HDAC8: variants seen among roughly 807,000 people sequenced by gnomAD.
The protein encoded by HDAC8 is histone deacetylase 8.
A neutral mutation model predicts 32.2 loss-of-function variants in HDAC8; 1 was observed. The observed-to-expected ratio is 0.03, with a 90% CI of 0.01 to 0.15. The LOEUF (loss-of-function observed/expected upper bound fraction) is 0.15. Ranked by LOEUF, HDAC8 falls within the 10% of genes least tolerant of loss-of-function variation. The pLI is 1.00. For synonymous variants in HDAC8, 108 were observed against 113.9 expected, an observed-to-expected ratio of 0.95 and a Z score of 0.33; for missense variants, 117 against 300.0, an observed-to-expected ratio of 0.39 and a Z score of 4.51.
At chrX:72,340,597 T>G (rs1455612770) in intron 10 of HDAC8, among the ~76,000 whole-genome samples, 1 of 111,649 alleles carries the variant, frequency 9.0e-6, no homozygotes, top group African/African-American at 3.3e-5. Flanking sequence ...CCTATTCACC[T>G]CAAGGCATAT....
intron 7 of HDAC8, among the ~76,000 whole-genome samples, chrX:72,482,874 T>C (rs781895304): frequency 9.0e-6 from 1 of 111,730 alleles, no homozygotes; most frequent in Non-Finnish European, 1.9e-5. Flanking sequence ...CACTGTAAAA[T>C]GGCAATACTA....
At chrX:72,454,220 A>G (rs1446775643) in intron 9 of HDAC8, among the ~76,000 whole-genome samples, 1 of 112,211 alleles carries the variant, frequency 8.9e-6, no homozygotes, top group Non-Finnish European at 1.9e-5. Flanking sequence ...CTATGTACTG[A>G]GCTCAAAGGA....
chrX:72,377,297 A>C (rs1436519338), intron 9 of HDAC8: 1 of 111,997 alleles, frequency 8.9e-6, no homozygotes, highest in Non-Finnish European at 1.9e-5. Context: ...TTAATTCCAA[A>C]GTACTTTGTA....
At chrX:72,483,373 T>C (rs2048569436) in intron 7 of HDAC8, among the ~76,000 whole-genome samples, 1 of 111,021 alleles carries the variant, frequency 9.0e-6, no homozygotes, top group Non-Finnish European at 1.9e-5. Context: ...AATTCTCACT[T>C]TATGAGTTAA....
intron 9 of HDAC8, among the ~76,000 whole-genome samples, chrX:72,395,704 G>A (rs1288106135): frequency 8.9e-6 from 1 of 112,311 alleles, no homozygotes; most frequent in Non-Finnish European, 1.9e-5. Context: ...AGGCAGTCTG[G>A]AGGAGGAAGG....
At chrX:72,398,845 G>GT (rs782355298) in intron 9 of HDAC8, among the ~76,000 whole-genome samples, 1,800 of 97,646 alleles carry the variant, frequency 0.018, 21 homozygotes, top group Non-Finnish European at 0.027. Flanking sequence ...GGTACTTTAT[G>GT]TTTTTTTTTT....
At chrX:72,445,943 A>G (rs1275778071) in intron 9 of HDAC8, among the ~76,000 whole-genome samples, 1 of 112,575 alleles carries the variant, frequency 8.9e-6, no homozygotes, top group Non-Finnish European at 1.9e-5. Context: ...AATGCTCACC[A>G]TCACTGGCCA....
chrX:72,515,753 G>C (rs1041976775), intron 4 of HDAC8, among the ~76,000 whole-genome samples: 1 of 111,752 alleles, frequency 8.9e-6, no homozygotes, highest in Non-Finnish European at 1.9e-5. Flanking sequence ...TCCAGTGAAA[G>C]CTTCTCTGAG....
intron 9 of HDAC8, among the ~76,000 whole-genome samples, chrX:72,445,264 G>A (rs1339580840): frequency 7.3e-5 from 8 of 109,534 alleles, no homozygotes; most frequent in South Asian, 8.1e-4. Context: ...GAGGCATCAC[G>A]CTACCTGACT....
chrX:72,437,871 C>T (rs73218357), intron 9 of HDAC8, among the ~76,000 whole-genome samples: 3,733 of 112,152 alleles, frequency 0.033, 73 homozygotes, highest in Non-Finnish European at 0.049. Flanking sequence ...ACTCCCATCT[C>T]CATGGGACAG....
chrX:72,345,143 A>G (rs1380723509), intron 10 of HDAC8, among the ~76,000 whole-genome samples: 2 of 111,410 alleles, frequency 1.8e-5, no homozygotes, highest in Non-Finnish European at 3.8e-5. Flanking sequence ...CACCAACATG[A>G]GGGGGGTGGG....
At chrX:72,550,118 A>G (rs1390718031) in intron 4 of HDAC8, among the ~76,000 whole-genome samples, 2 of 111,827 alleles carry the variant, frequency 1.8e-5, no homozygotes, top group East Asian at 5.6e-4. Flanking sequence ...GGGGATGTAT[A>G]TGCATTCTTT....
chrX:72,343,177 T>A (rs1330075467), intron 10 of HDAC8, among the ~76,000 whole-genome samples: 1 of 107,361 alleles, frequency 9.3e-6, no homozygotes, highest in African/African-American at 3.4e-5. Context: ...TCACTACCAT[T>A]TTTTTTTTTT....
chrX:72,551,320 A>G (rs1320787704), intron 4 of HDAC8, among the ~76,000 whole-genome samples: 4 of 112,102 alleles, frequency 3.6e-5, no homozygotes, highest in Non-Finnish European at 7.5e-5. Context: ...CAGGAAGTGA[A>G]ACACACCATC....
intron 9 of HDAC8, among the ~76,000 whole-genome samples, chrX:72,448,960 C>T: frequency 8.9e-6 from 1 of 112,192 alleles, no homozygotes; most frequent in Non-Finnish European, 1.9e-5. Flanking sequence ...GAAATAGGAA[C>T]GTTTTCACAC....
chrX:72,511,886 C>T (rs1199091060), intron 4 of HDAC8, among the ~76,000 whole-genome samples: 1 of 112,019 alleles, frequency 8.9e-6, no homozygotes, highest in Non-Finnish European at 1.9e-5. Context: ...AATTACAACA[C>T]TAAGTAGACA....
intron 9 of HDAC8, among the ~76,000 whole-genome samples, chrX:72,379,758 T>C (rs782679215): frequency 9.0e-6 from 1 of 111,294 alleles, no homozygotes; most frequent in Admixed American, 9.6e-5. Context: ...TGCCTCGGCC[T>C]CTCAAAGTGC....
rs1240898234 is a variant in HDAC8, at chrX:72,460,008, A to C, written c.1005+1996T>G. Among the ~76,000 whole-genome samples, 4 of 112,264 alleles carry C rather than the reference A, an allele frequency of 3.6e-5. No individual in the cohort carries two copies. In the East Asian group the frequency reaches 1.1e-3, roughly 31 times the overall value. On this transcript the variant is annotated intron_variant, in intron 9 of 10. Transcript: ENST00000373573. ...CTTTGTTCTTTCTTGCATGACTCACATCTCTTAAACCAGAAGGATATGACA... is the reference window on the plus strand; with the variant it reads ...CTTTGTTCTTTCTTGCATGACTCACCTCTCTTAAACCAGAAGGATATGACA...
At chrX:72,513,292 C>G in intron 4 of HDAC8, among the ~76,000 whole-genome samples, 1 of 111,435 alleles carries the variant, frequency 9.0e-6, no homozygotes, top group Non-Finnish European at 1.9e-5. Context: ...TAGCACAGTG[C>G]TTAGCACATG....
Sources: gnomAD v4.1 joint callset for allele counts (sites outside exome capture counted in the v4.1 genomes callset) on GRCh38, gnomAD v4.1.1 for gene constraint, MANE v1.5 for transcripts, NCBI Gene and HGNC (gene_info 2026-07-23, HGNC 2026-07-21) for gene names.